PRSS50: variants seen among roughly 807,000 people sequenced by gnomAD.
The protein encoded by PRSS50 is probable threonine protease PRSS50.
A neutral mutation model predicts 34.2 loss-of-function variants in PRSS50; 23 were observed. The ratio of observed to expected loss-of-function variants is 0.67; its 90% CI spans 0.48 to 0.95. The LOEUF (loss-of-function observed/expected upper bound fraction) is 0.95. Ranked by LOEUF, PRSS50 falls within the 40% of genes least tolerant of loss-of-function variation. The pLI is 0.00. For missense variants in PRSS50, 484 were observed against 513.4 expected (o/e 0.94, Z 0.55); for synonymous variants, 224 against 211.2 (o/e 1.06, Z -0.53).
chr3:46,714,136 C>T, intron 4 of PRSS50, 82 bp downstream of exon 4: 1 of 1,515,106 alleles, frequency 6.6e-7, no homozygotes, highest in Non-Finnish European at 8.9e-7. Flanking sequence ...GCCTCAGAAA[C>T]ATCCATCTGT....
At position 46,716,055 on chromosome 3, in the gene PRSS50, C is replaced by G. The variant is rs1379899164; in HGVS notation, c.308-358G>C. ...CACCTGGTTCCACCCTCACCATGTCCCCTACTTCAGCCAAGGCAGAGCTCT... is the reference window on the plus strand; with the variant it reads ...CACCTGGTTCCACCCTCACCATGTCGCCTACTTCAGCCAAGGCAGAGCTCT... On this transcript the variant is annotated intron_variant, in intron 2 of 5. Transcript: ENST00000315170. This position sits in a 1 kb window ranked among gnomAD's most constrained non-coding sequence, Gnocchi z 4.4. 6.6e-6 allele frequency among the ~76,000 whole-genome samples: 1 copy of G among 152,182 alleles called. No homozygotes were observed. Among genetic ancestry groups the G allele is most frequent in the African/African-American group, 2.4e-5 (1 of 41,438 alleles).
In PRSS50 at chr3:46,715,744, C is replaced by A; in HGVS notation, c.308-47G>T. ...TGATGAGGGATGGATCTTTCCCTGT[C>A]CCTCCCCTCCCCCAGCCTGACCTCG... On this transcript the variant is annotated intron_variant, in intron 2 of 5. Coordinates refer to ENST00000315170, the MANE Select transcript of PRSS50 (RefSeq NM_013270.5). This position sits in a 1 kb window ranked among gnomAD's most constrained non-coding sequence, Gnocchi z 5.2. 6.6e-7 allele frequency: 1 copy of A among 1,515,518 alleles called. No homozygotes were observed. The highest frequency in any genetic ancestry group is 8.9e-7 in the Non-Finnish European group (1 of 1,123,088). The allele number at this position is 1,515,518 out of a possible 1,614,324, so 93.9% of individuals were successfully genotyped here.
Position 46,717,781 on chromosome 3 carries a change from CG to C in PRSS50, c.43del (p.Arg15GlyfsTer18). On this transcript the variant is annotated frameshift_variant, in exon 1 of 6. Coordinates refer to ENST00000315170, the MANE Select transcript of PRSS50 (RefSeq NM_013270.5). LOFTEE classifies it high-confidence loss of function. The surrounding 1 kb of genome is among the most constrained non-coding windows in gnomAD (Gnocchi z 4.5). ...CQTVARGQRP[R>X]TSAPSRAGAL... ...ACCGGCGCGGGAGGGGGCAGACGTCCGGGGGCGCTGCCCGCGCGCGACGGTC... is the reference window on the plus strand; with the variant it reads ...ACCGGCGCGGGAGGGGGCAGACGTCCGGGGCGCTGCCCGCGCGCGACGGTC... 1 of 1,563,764 alleles carries C rather than the reference CG, an allele frequency of 6.4e-7. No individual in the cohort carries two copies. The highest frequency in any genetic ancestry group is 8.7e-7 in the Non-Finnish European group (1 of 1,155,972).
chr3:46,714,633 G>A, intron 3 of PRSS50, 132 bp from the exon 4 acceptor site: 1 of 990,232 alleles, frequency 1.0e-6, no homozygotes, highest in Admixed American at 2.8e-5. Flanking sequence ...CAAGCCCCCT[G>A]AGCCTACTCC....
rs1700673240 is a variant in PRSS50, at chr3:46,715,743, TC to T, written c.308-47del. 1.3e-6 allele frequency: 2 copies of T among 1,515,886 alleles called. No individual in the cohort carries two copies. The highest frequency in any genetic ancestry group is 2.8e-5 in the African/African-American group (2 of 72,684). 93.9% of individuals were successfully genotyped at this position (1,515,886 alleles called of 1,614,324 possible). ...TTGATGAGGGATGGATCTTTCCCTGTCCCTCCCCTCCCCCAGCCTGACCTCG... is the reference window on the plus strand; with the variant it reads ...TTGATGAGGGATGGATCTTTCCCTGTCCTCCCCTCCCCCAGCCTGACCTCG... On this transcript the variant is annotated intron_variant, in intron 2 of 5. Transcript: ENST00000315170. This position sits in a 1 kb window ranked among gnomAD's most constrained non-coding sequence, Gnocchi z 5.2.
chr3:46,714,303 C>A lies in PRSS50; in HGVS notation c.669G>T (p.Arg223=). The change falls in exon 4 of 6, where the codon CGG becomes CGT. Residue 223 remains arginine, a synonymous_variant. Coordinates refer to ENST00000315170, the MANE Select transcript of PRSS50 (RefSeq NM_013270.5). Reference sequence around the variant, plus strand: ...AGTCCGTGCCAGGCAGGCAGATGGGCCGCACGTAATTGCTGTACTTGAGTT... The same window carrying A: ...AGTCCGTGCCAGGCAGGCAGATGGGACGCACGTAATTGCTGTACTTGAGTT... The part of the protein sequence containing the change: ...KQELKYSNYV[R]PICLPGTDYV... The A allele has an allele frequency of 6.2e-7, 1 of 1,614,162 alleles. No individual in the cohort carries two copies. The highest frequency in any genetic ancestry group is 8.5e-7 in the Non-Finnish European group (1 of 1,180,030).
In PRSS50 at chr3:46,712,173, T is replaced by C. The variant is rs1013770842; in HGVS notation, c.*73A>G. 22 of 1,289,766 alleles carry C rather than the reference T, an allele frequency of 1.7e-5. No individual in the cohort carries two copies. The highest frequency in any genetic ancestry group is 2.2e-5 in the Non-Finnish European group (20 of 919,828). The allele number at this position is 1,289,766 out of a possible 1,614,324, so 79.9% of individuals were successfully genotyped here. ...TCATCTCCACCCTGACTCTCAGGGC[T>C]GTGACAGCTGCACCCACAGCAACCT... On this transcript the variant is annotated 3_prime_UTR_variant, in exon 6 of 6. Coordinates refer to ENST00000315170, the MANE Select transcript of PRSS50 (RefSeq NM_013270.5).
Position 46,712,412 on chromosome 3 carries a change from C to T in PRSS50, c.992G>A (p.Gly331Asp), listed in dbSNP as rs1223620622. ...TWYLVGLVSW[G>D]AGCQKSEAPP... ...GGCCTCGCTCTTCTGGCAGCCTGCA[C>T]CCCAGCTCACCAATCCCACCAGGTA... The change falls in exon 6 of 6, where the codon GGT becomes GAT. Residue 331 changes from glycine (G) to aspartate (D), a missense_variant. Physicochemically the swap from Gly to Asp is moderately conservative, Grantham distance 94. Transcript: ENST00000315170. 6.2e-7 allele frequency: 1 copy of T among 1,614,096 alleles called. No individual in the cohort carries two copies. The highest frequency in any genetic ancestry group is 8.5e-7 in the Non-Finnish European group (1 of 1,180,004).
intron 3 of PRSS50, among the ~76,000 whole-genome samples, chr3:46,714,814 ACT>A (rs1312175705): frequency 6.6e-6 from 1 of 151,978 alleles, no homozygotes; most frequent in Non-Finnish European, 1.5e-5. Context: ...CTGGTTCCAA[ACT>A]CTACTCTCAG....
At chr3:46,712,591 A>G in intron 5 of PRSS50, 109 bp from the exon 6 acceptor site, 2 of 1,049,718 alleles carry the variant, frequency 1.9e-6, no homozygotes, top group Non-Finnish European at 1.4e-6. Context: ...ACAGTCCCCC[A>G]GTGCCAACAT....
chr3:46,712,457 C>A lies in PRSS50; in HGVS notation c.947G>T (p.Cys316Phe). The change falls in exon 6 of 6, where the codon TGC (cysteine) becomes TTC (phenylalanine). Residue 316 changes from cysteine to phenylalanine, a missense_variant. By Grantham distance (205) the Cys-to-Phe change is radical (BLOSUM62 -2). Transcript: ENST00000315170. Reference protein sequence around the residue: ...CYELTGEPLVCSMEGTWYLVG... With the variant: ...CYELTGEPLVFSMEGTWYLVG... ...CAGGTACCACGTGCCCTCCATGGAGCAGACCAAGGGCTCTCCAGTTAGCTC... is the reference window on the plus strand; with the variant it reads ...CAGGTACCACGTGCCCTCCATGGAGAAGACCAAGGGCTCTCCAGTTAGCTC... 6.2e-7 allele frequency: 1 copy of A among 1,614,066 alleles called. No homozygotes were observed. The highest frequency in any genetic ancestry group is 8.5e-7 in the Non-Finnish European group (1 of 1,179,976).
In PRSS50 at chr3:46,717,638, C is replaced by T. The variant is rs1700702947; in HGVS notation, c.107-1G>A. The stretch of plus-strand genomic sequence containing the variant: ...GGGGCTTCCCCTGCGCCCCAGCAAC[C>T]TGCGGAGGACGTCGAGCGGATTAGA... On this transcript the variant is annotated splice_acceptor_variant, in intron 1 of 5. Coordinates refer to ENST00000315170, the MANE Select transcript of PRSS50 (RefSeq NM_013270.5). LOFTEE classifies it high-confidence loss of function. The surrounding 1 kb of genome is among the most constrained non-coding windows in gnomAD (Gnocchi z 4.5). 6.2e-7 allele frequency: 1 copy of T among 1,612,342 alleles called. No homozygotes were observed. The highest frequency in any genetic ancestry group is 2.2e-5 in the East Asian group (1 of 44,834).
intron 4 of PRSS50, 95 bp downstream of exon 4, chr3:46,714,123 G>A (rs1397139232): frequency 6.8e-7 from 1 of 1,473,854 alleles, no homozygotes; most frequent in Non-Finnish European, 9.1e-7. Flanking sequence ...CCCTGGGGAA[G>A]GTGCCTCAGA....
Position 46,716,513 on chromosome 3 carries a change from C to T in PRSS50, c.308-816G>A, listed in dbSNP as rs1700685847. 6.6e-6 allele frequency among the ~76,000 whole-genome samples: 1 copy of T among 152,186 alleles called. No individual in the cohort carries two copies. The highest frequency in any genetic ancestry group is 1.5e-5 in the Non-Finnish European group (1 of 68,028). ...TCCTGACCTCAAGTGATCTTACTGCCTCAGCCTCCAAAAGCGCTGGGATTA... is the reference window on the plus strand; with the variant it reads ...TCCTGACCTCAAGTGATCTTACTGCTTCAGCCTCCAAAAGCGCTGGGATTA... On this transcript the variant is annotated intron_variant, in intron 2 of 5. Transcript: ENST00000315170. This position sits in a 1 kb window ranked among gnomAD's most constrained non-coding sequence, Gnocchi z 4.4.
rs776913742 is a variant in PRSS50, at chr3:46,715,739, C to T, written c.308-42G>A. On this transcript the variant is annotated intron_variant, in intron 2 of 5. Coordinates refer to ENST00000315170, the MANE Select transcript of PRSS50 (RefSeq NM_013270.5). This position sits in a 1 kb window ranked among gnomAD's most constrained non-coding sequence, Gnocchi z 5.2. ...GAGCTTGATGAGGGATGGATCTTTC[C>T]CTGTCCCTCCCCTCCCCCAGCCTGA... is the stretch of plus-strand genomic sequence containing the variant. 4.3e-5 allele frequency: 66 copies of T among 1,523,770 alleles called. No individual in the cohort carries two copies. The highest frequency in any genetic ancestry group is 5.6e-5 in the Non-Finnish European group (63 of 1,127,950). 94.4% of individuals were successfully genotyped at this position (1,523,770 alleles called of 1,614,324 possible). A position where few individuals can be genotyped will look rare whatever the true frequency, so the allele number is the denominator to read the frequency against.
Position 46,717,785 on chromosome 3 carries a change from G to T in PRSS50, c.40C>A (p.Pro14Thr). Residue 14 changes from proline (P) to threonine (T), a missense_variant, in exon 1 of 6, where the codon CCC (proline) becomes ACC (threonine). Physicochemically the swap from Pro to Thr is conservative, Grantham distance 38. Transcript: ENST00000315170. This position sits in a 1 kb window ranked among gnomAD's most constrained non-coding sequence, Gnocchi z 4.5. ...WCQTVARGQR[P>T]RTSAPSRAGA... The stretch of plus-strand genomic sequence containing the variant: ...GCGCGGGAGGGGGCAGACGTCCGGG[G>T]GCGCTGCCCGCGCGCGACGGTCTGG... 1 of 1,559,442 alleles carries T rather than the reference G, an allele frequency of 6.4e-7. No individual in the cohort carries two copies. The highest frequency in any genetic ancestry group is 8.7e-7 in the Non-Finnish European group (1 of 1,153,660).
At chr3:46,714,169 A>T (rs2106793792) in intron 4 of PRSS50, 49 bp downstream of exon 4, 1 of 1,585,124 alleles carries the variant, frequency 6.3e-7, no homozygotes, top group East Asian at 2.2e-5. Context: ...GCCTGCACCC[A>T]CGTCCTTTCT....
intron 4 of PRSS50, 63 bp downstream of exon 4, chr3:46,714,155 C>T: frequency 1.3e-6 from 2 of 1,564,134 alleles, no homozygotes; most frequent in Non-Finnish European, 8.7e-7. Flanking sequence ...GTGGTGGCAC[C>T]CTGGCCTGCA....
chr3:46,715,812 C>T lies in PRSS50; in HGVS notation c.308-115G>A. On this transcript the variant is annotated intron_variant, in intron 2 of 5. Transcript: ENST00000315170. This position sits in a 1 kb window ranked among gnomAD's most constrained non-coding sequence, Gnocchi z 5.2. ...GCCTGCACCCATCCAGGGGTGCTCC[C>T]TTTTCACCTGTCACCATGGAATGAT... 1 of 1,136,028 alleles carries T rather than the reference C, an allele frequency of 8.8e-7. No homozygotes were observed. The highest frequency in any genetic ancestry group is 1.6e-5 in the South Asian group (1 of 63,664). The allele number at this position is 1,136,028 out of a possible 1,614,324, so 70.4% of individuals were successfully genotyped here.
Sources: allele counts gnomAD v4.1 joint callset (sites outside exome capture counted in the v4.1 genomes callset), GRCh38; gene constraint gnomAD v4.1.1; non-coding constraint Gnocchi (gnomAD v3.1); transcripts MANE v1.5; gene names NCBI Gene and HGNC (gene_info 2026-07-23, HGNC 2026-07-21).